Variants in TEX11 observed in about 807,000 individuals in gnomAD.
TEX11 encodes testis expressed 11.
TEX11 carries 7 observed loss-of-function variants against 84.4 expected under a neutral mutation model. The observed-to-expected ratio is 0.08, with a 90% CI of 0.05 to 0.16. The LOEUF is 0.16. Among genes scored for constraint, TEX11 ranks in the 10% least tolerant of loss-of-function variants. The pLI is 1.00. For synonymous variants in TEX11, 264 were observed against 222.8 expected, an observed-to-expected ratio of 1.18 and a Z score of -1.64; for missense variants, 551 against 660.5, an observed-to-expected ratio of 0.83 and a Z score of 1.82.
rs189930738 is a variant in TEX11 at position 70,795,104 on chromosome X, C to T, written c.692+11601G>A. ...CCTGGGCCAGAGAGAAGTGCACTGCCTTGCAAGATGAGTCCCAGACCCGGC... is the reference window on the plus strand; with the variant it reads ...CCTGGGCCAGAGAGAAGTGCACTGCTTTGCAAGATGAGTCCCAGACCCGGC... On this transcript the variant is annotated intron_variant, in intron 9 of 29. Coordinates refer to ENST00000374333, the MANE Select transcript of TEX11 (RefSeq NM_031276.3). 4.6e-5 allele frequency among the ~76,000 whole-genome samples: 5 copies of T among 108,778 alleles called. No individual in the cohort carries two copies. In the East Asian group the frequency reaches 1.5e-3, roughly 32 times the overall value. The allele number at this position is 108,778 out of a possible 115,157, so 94.5% of individuals were successfully genotyped here.
intron 11 of TEX11, among the ~76,000 whole-genome samples, chrX:70,733,566 A>G (rs1190936050): frequency 8.9e-6 from 1 of 112,053 alleles, no homozygotes; most frequent in Non-Finnish European, 1.9e-5. Context: ...GCTCATCATC[A>G]TTGGCCATCA....
rs778335090 is a variant in TEX11 at position 70,640,717 on chromosome X, G to A, written c.1483+10733C>T. ...TAAAATACTTTACAGACAAGCAAATGCTGAGAGATTTTGTCACCACCAGGC... is the reference window on the plus strand; with the variant it reads ...TAAAATACTTTACAGACAAGCAAATACTGAGAGATTTTGTCACCACCAGGC... On this transcript the variant is annotated intron_variant, in intron 17 of 29. Coordinates refer to ENST00000374333, the MANE Select transcript of TEX11 (RefSeq NM_031276.3). Among the ~76,000 whole-genome samples the A allele has an allele frequency of 2.8e-4, 31 of 109,238 alleles. No individual in the cohort carries two copies. In the South Asian group the frequency reaches 9.6e-3, roughly 34 times the overall value. 94.9% of individuals were successfully genotyped at this position (109,238 alleles called of 115,157 possible). A position where few individuals can be genotyped will look rare whatever the true frequency, so the allele number is the denominator to read the frequency against.
chrX:70,566,517 T>G (rs1235220560), intron 25 of TEX11, among the ~76,000 whole-genome samples: 1 of 111,261 alleles, frequency 9.0e-6, no homozygotes, highest in African/African-American at 3.3e-5. Context: ...TTTTGCCCAT[T>G]CAGTATGATA....
chrX:70,682,764 T>A lies in TEX11; in HGVS notation c.1066A>T (p.Ile356Phe). The A allele has an allele frequency of 8.3e-7, 1 of 1,209,932 alleles. No individual in the cohort carries two copies. The highest frequency in any genetic ancestry group is 1.1e-6 in the Non-Finnish European group (1 of 894,265). ...GTATGGAGTATCAGAACTTTTCCAA[T>A]ATTTTCCGATGACTTAAAACGTTCA... Reference protein sequence around the residue: ...IHERFKSSENIGKVLILHTDM... With the variant: ...IHERFKSSENFGKVLILHTDM... Residue 356 changes from isoleucine to phenylalanine, a missense_variant, in exon 14 of 30, where the codon ATT becomes TTT. Coordinates refer to ENST00000374333, the MANE Select transcript of TEX11 (RefSeq NM_031276.3).
intron 9 of TEX11, among the ~76,000 whole-genome samples, chrX:70,750,861 T>C (rs1236018076): frequency 1.1e-5 from 1 of 87,968 alleles, no homozygotes; most frequent in Non-Finnish European, 2.2e-5. Context: ...GCATGGCACA[T>C]GTATACATAT....
chrX:70,511,425 T>C, the TEX11 span, among the ~76,000 whole-genome samples: 15 of 111,766 alleles, frequency 1.3e-4, no homozygotes, highest in African/African-American at 4.2e-4. Flanking sequence ...CACAAACTGA[T>C]AAGTGCTGTT....
rs568758739 is a variant in TEX11, at chrX:70,843,349, C to A, written c.525+9685G>T. Among the ~76,000 whole-genome samples the A allele has an allele frequency of 3.7e-4, 41 of 111,671 alleles. No homozygotes were observed. In the East Asian group the frequency reaches 5.6e-3, roughly 15 times the overall value. Reference sequence around the variant, plus strand: ...CTTTGACAAACCTGACAAAAACAAGCAATGGGGAAAGGATTCCCTATTTAA... The same window carrying A: ...CTTTGACAAACCTGACAAAAACAAGAAATGGGGAAAGGATTCCCTATTTAA... On this transcript the variant is annotated intron_variant, in intron 7 of 29. Coordinates refer to ENST00000374333, the MANE Select transcript of TEX11 (RefSeq NM_031276.3).
At chrX:70,840,196 A>T (rs145945474) in intron 7 of TEX11, among the ~76,000 whole-genome samples, 2,429 of 111,623 alleles carry the variant, frequency 0.022, 73 homozygotes, top group South Asian at 0.16. Context: ...CCAAAGTTGA[A>T]ATGAAGGAAA....
At chrX:70,810,872 G>A (rs2091248732) in intron 8 of TEX11, among the ~76,000 whole-genome samples, 1 of 110,789 alleles carries the variant, frequency 9.0e-6, no homozygotes, top group East Asian at 2.8e-4. Flanking sequence ...TTGTTAGAAT[G>A]AATAATAAAT....
chrX:70,699,480 G>A (rs1036426587), intron 13 of TEX11, among the ~76,000 whole-genome samples: 16 of 111,698 alleles, frequency 1.4e-4, no homozygotes, highest in African/African-American at 4.2e-4. Context: ...GCGGCTAGCC[G>A]GAACACTCAT....
intron 18 of TEX11, among the ~76,000 whole-genome samples, chrX:70,626,056 G>A (rs2089448182): frequency 1.8e-5 from 2 of 110,952 alleles, no homozygotes; most frequent in East Asian, 2.8e-4. Context: ...CATATTTTCC[G>A]CATTTTCAAT....
intron 16 of TEX11, among the ~76,000 whole-genome samples, chrX:70,653,166 T>C (rs2089828543): frequency 9.0e-6 from 1 of 111,465 alleles, no homozygotes; most frequent in Non-Finnish European, 1.9e-5. Context: ...CAAAACCATA[T>C]CTATAAAAGA....
intron 7 of TEX11, among the ~76,000 whole-genome samples, chrX:70,841,383 C>A (rs1172686226): frequency 5.4e-5 from 6 of 110,990 alleles, no homozygotes; most frequent in African/African-American, 1.6e-4. Context: ...AATGACTACT[C>A]GGTACATAAT....
At chrX:70,785,855 T>C (rs971384191) in intron 9 of TEX11, among the ~76,000 whole-genome samples, 1 of 112,057 alleles carries the variant, frequency 8.9e-6, no homozygotes, top group Non-Finnish European at 1.9e-5. Context: ...ATAGGAACGC[T>C]TTTACACTGT....
chrX:70,597,910 G>T (rs1459792285), intron 24 of TEX11, among the ~76,000 whole-genome samples: 1 of 112,068 alleles, frequency 8.9e-6, no homozygotes, highest in East Asian at 2.8e-4. Context: ...AAGACAAATA[G>T]GCTAATTTAA....
chrX:70,718,287 A>T (rs2090525100), intron 13 of TEX11, among the ~76,000 whole-genome samples: 2 of 112,476 alleles, frequency 1.8e-5, no homozygotes, highest in Admixed American at 1.9e-4. Context: ...TAATTGCCAC[A>T]ATGTTGGAAA....
At chrX:70,716,595 C>T (rs935279755) in intron 13 of TEX11, among the ~76,000 whole-genome samples, 8 of 112,672 alleles carry the variant, frequency 7.1e-5, no homozygotes, top group South Asian at 3.7e-4. Context: ...AAACCATTCG[C>T]GGGATATAAT....
chrX:70,783,434 A>T (rs1243839908), intron 9 of TEX11, among the ~76,000 whole-genome samples: 1 of 111,636 alleles, frequency 9.0e-6, no homozygotes, highest in Non-Finnish European at 1.9e-5. Flanking sequence ...GAGAAGCAAG[A>T]GCAAACAAAT....
chrX:70,742,331 CAAT>C (rs2090738541), intron 10 of TEX11, among the ~76,000 whole-genome samples: 1 of 106,924 alleles, frequency 9.4e-6, no homozygotes, highest in African/African-American at 3.4e-5. Context: ...TAATAAGTGA[CAAT>C]GTCACTATAT....
Sources: gnomAD v4.1 joint callset for allele counts (sites outside exome capture counted in the v4.1 genomes callset) on GRCh38, gnomAD v4.1.1 for gene constraint, MANE v1.5 for transcripts, NCBI Gene and HGNC (gene_info 2026-07-23, HGNC 2026-07-21) for gene names.